Variants in DUSP16 observed in about 807,000 individuals in gnomAD.
DUSP16 encodes dual specificity phosphatase 16.
A neutral mutation model predicts 58.3 loss-of-function variants in DUSP16; 21 were observed. The observed-to-expected ratio is 0.36, with a 90% CI of 0.26 to 0.52. The LOEUF is 0.52. Ranked by LOEUF, DUSP16 falls within the 20% of genes least tolerant of loss-of-function variation. The pLI is 0.94. For synonymous variants in DUSP16, 320 were observed against 323.8 expected (o/e 0.99, Z 0.12); for missense variants, 726 against 819.0 (o/e 0.89, Z 1.39).
In DUSP16 at chr12:12,477,122, G is replaced by C; in HGVS notation, c.1709C>G (p.Ser570Ter). The C allele has an allele frequency of 1.2e-6, 2 of 1,614,262 alleles. No individual in the cohort carries two copies. Among genetic ancestry groups the C allele is most frequent in the Non-Finnish European group, 1.7e-6 (2 of 1,180,052 alleles). ...ACTGGCACTGCCTCCGTAGATGGCTGAGGCAGAGTAGAAGTGTGAGGACTC... is the reference window on the plus strand; with the variant it reads ...ACTGGCACTGCCTCCGTAGATGGCTCAGGCAGAGTAGAAGTGTGAGGACTC... ...ATESSHFYSA[S>*]AIYGGSASYS... The change falls in exon 7 of 7, where the codon TCA becomes TGA. Residue 570 changes from serine (S) to a stop codon, truncating the protein, a stop_gained. Transcript: ENST00000298573. LOFTEE classifies it high-confidence loss of function. This position sits in a 1 kb window ranked among gnomAD's most constrained non-coding sequence, Gnocchi z 4.1.
rs1670488338 is a variant in DUSP16, at chr12:12,519,955, A to T, written c.274T>A (p.Ser92Thr). ...SQKVVVYDQS[S>T]QDVASLSSDC... Reference sequence around the variant, plus strand: ...GAAGAGAGAGAGGCAACATCTTGGGAGCTTTGATCGTAAACTACAACCTTC... The same window carrying T: ...GAAGAGAGAGAGGCAACATCTTGGGTGCTTTGATCGTAAACTACAACCTTC... The change falls in exon 3 of 7, where the codon TCC becomes ACC. Residue 92 changes from serine (S) to threonine (T), a missense_variant. Physicochemically the swap from Ser to Thr is moderately conservative, Grantham distance 58. Transcript: ENST00000298573. The T allele has an allele frequency of 6.2e-7, 1 of 1,614,038 alleles. No homozygotes were observed. The highest frequency in any genetic ancestry group is 1.7e-5 in the Admixed American group (1 of 59,998).
At chr12:12,556,129 T>C (rs1048042363) in intron 1 of DUSP16, among the ~76,000 whole-genome samples, 3 of 152,362 alleles carry the variant, frequency 2.0e-5, no homozygotes, top group African/African-American at 7.2e-5. Context: ...ATTAAAATTG[T>C]TTCCCATAGG....
chr12:12,506,408 A>G (rs1332549025), intron 3 of DUSP16, among the ~76,000 whole-genome samples: 1 of 152,250 alleles, frequency 6.6e-6, no homozygotes, highest in Non-Finnish European at 1.5e-5. Context: ...TACAAGACAT[A>G]ACATCAGTCC....
At chr12:12,559,130 GT>G (rs908760209) in intron 1 of DUSP16, among the ~76,000 whole-genome samples, 26 of 151,986 alleles carry the variant, frequency 1.7e-4, no homozygotes, top group African/African-American at 6.0e-4. Flanking sequence ...ATAACAGATT[GT>G]CTACAACACA....
In DUSP16 at chr12:12,538,357, G is replaced by A. The variant is rs571246052; in HGVS notation, c.-365-16894C>T. Among the ~76,000 whole-genome samples, 3 of 152,306 alleles carry A rather than the reference G, an allele frequency of 2.0e-5. No homozygotes were observed. In the East Asian group the frequency reaches 5.8e-4, roughly 29 times the overall value. On this transcript the variant is annotated intron_variant, in intron 1 of 6. Coordinates refer to ENST00000298573, the MANE Select transcript of DUSP16 (RefSeq NM_030640.3). The stretch of plus-strand genomic sequence containing the variant: ...CATGTCACGTCATTAAAGAAAGTCA[G>A]AGACTACTGAAATTTCATAGCCAAA...
intron 3 of DUSP16, among the ~76,000 whole-genome samples, chr12:12,513,731 T>C (rs892009461): frequency 6.6e-6 from 1 of 152,224 alleles, no homozygotes; most frequent in Non-Finnish European, 1.5e-5. Context: ...GAGAAGGACA[T>C]AGTAGAACAG....
rs1184621023 is a variant in DUSP16, at chr12:12,500,692, A to G, written c.368-10T>C. ...AACTCAGCAAACCCACCTAAGAATAAACATTATAAAATTATAAAAAATTAT... is the reference window on the plus strand; with the variant it reads ...AACTCAGCAAACCCACCTAAGAATAGACATTATAAAATTATAAAAAATTAT... On this transcript the variant is annotated splice_polypyrimidine_tract_variant and intron_variant, in intron 3 of 6. Coordinates refer to ENST00000298573, the MANE Select transcript of DUSP16 (RefSeq NM_030640.3). 2 of 1,540,986 alleles carry G rather than the reference A, an allele frequency of 1.3e-6. No individual in the cohort carries two copies. Among genetic ancestry groups the G allele is most frequent in the Non-Finnish European group, 1.7e-6 (2 of 1,149,988 alleles).
At chr12:12,484,115 T>C (rs1267820435) in intron 5 of DUSP16, among the ~76,000 whole-genome samples, 2 of 151,920 alleles carry the variant, frequency 1.3e-5, no homozygotes, top group Non-Finnish European at 2.9e-5. Flanking sequence ...TCTGCTTGAG[T>C]AAATAAAAAG....
At chr12:12,547,457 C>CAAA (rs202208136) in intron 1 of DUSP16, among the ~76,000 whole-genome samples, 41 of 80,362 alleles carry the variant, frequency 5.1e-4, no homozygotes, top group South Asian at 1.2e-3. Flanking sequence ...CAAAAAAAAG[C>CAAA]AAAAAAAAAA....
chr12:12,484,470 TA>T (rs1419334150), intron 5 of DUSP16, among the ~76,000 whole-genome samples: 3 of 152,156 alleles, frequency 2.0e-5, no homozygotes, highest in East Asian at 3.8e-4. Context: ...TCTTTTCTAC[TA>T]AACTTTGTCT....
Position 12,476,878 on chromosome 12 carries a change from A to C in DUSP16, c.1953T>G (p.Ser651Arg), listed in dbSNP as rs766576635. 2 of 1,612,586 alleles carry C rather than the reference A, an allele frequency of 1.2e-6. No homozygotes were observed. The highest frequency in any genetic ancestry group is 1.7e-6 in the Non-Finnish European group (2 of 1,179,948). The change falls in exon 7 of 7, where the codon AGT becomes AGG. Residue 651 changes from serine (S) to arginine (R), a missense_variant. By Grantham distance (110) the Ser-to-Arg change is moderately radical. Transcript: ENST00000298573. ...RSREELGKVG[S>R]QSSFSGSMEI... ...CCATGCTGCCCGAAAAGCTAGACTG[A>C]CTGCCCACTTTCCCCAGCTCTTCCC...
At position 12,477,317 on chromosome 12, in the gene DUSP16, C is replaced by T. The variant is rs1258427627; in HGVS notation, c.1514G>A (p.Arg505Gln). 13 of 1,614,212 alleles carry T rather than the reference C, an allele frequency of 8.1e-6. No individual in the cohort carries two copies. Among genetic ancestry groups the T allele is most frequent in the Non-Finnish European group, 1.1e-5 (13 of 1,180,036 alleles). ...AQRSLLSPLH[R>Q]SGSVEDNYHT... ...GTAATTGTCCTCCACGCTCCCACTT[C>T]GATGCAGTGGAGATAAAAGGGACCT... Residue 505 changes from arginine (R) to glutamine (Q), a missense_variant, in exon 7 of 7, where the codon CGA becomes CAA. Physicochemically the swap from Arg to Gln is conservative, Grantham distance 43 (BLOSUM62 1). Transcript: ENST00000298573. The surrounding 1 kb of genome is among the most constrained non-coding windows in gnomAD (Gnocchi z 4.1).
At chr12:12,562,059 C>A (rs951089096) in intron 1 of DUSP16, 58 bp downstream of exon 1, 1 of 149,762 alleles carries the variant, frequency 6.7e-6, no homozygotes, top group African/African-American at 2.4e-5. Flanking sequence ...CGGGAGGGCG[C>A]CCCGGGCCCC....
chr12:12,499,132 A>G (rs1943874178), intron 4 of DUSP16, among the ~76,000 whole-genome samples: 1 of 152,230 alleles, frequency 6.6e-6, no homozygotes, highest in Admixed American at 6.5e-5. Context: ...TCTGTAACAC[A>G]ATTACTTGTG....
intron 4 of DUSP16, among the ~76,000 whole-genome samples, chr12:12,496,109 G>C (rs572205593): frequency 2.6e-5 from 4 of 152,218 alleles, no homozygotes; most frequent in Non-Finnish European, 5.9e-5. Flanking sequence ...CAACCATCAT[G>C]CCGTGCTGCT....
In DUSP16 at chr12:12,477,799, A is replaced by G. The variant is rs1349211358; in HGVS notation, c.1032T>C (p.Ser344=). The G allele has an allele frequency of 6.2e-7, 1 of 1,614,042 alleles. No individual in the cohort carries two copies. Among genetic ancestry groups the G allele is most frequent in the Non-Finnish European group, 8.5e-7 (1 of 1,180,008 alleles). The part of the protein sequence containing the change: ...ETPLSPPCAD[S]ATSEAAGQRP... ...TTTGTCCTGCTGCCTCTGAGGTAGC[A>G]GAGTCGGCACAGGGTGGACTGAGGG... The change falls in exon 7 of 7, where the codon TCT becomes TCC. Residue 344 remains serine, a synonymous_variant. Coordinates refer to ENST00000298573, the MANE Select transcript of DUSP16 (RefSeq NM_030640.3). The surrounding 1 kb of genome is among the most constrained non-coding windows in gnomAD (Gnocchi z 4.1).
At chr12:12,503,077 GC>G (rs11287460) in intron 3 of DUSP16, among the ~76,000 whole-genome samples, 152,251 of 152,254 alleles carry the variant, frequency 1, 76,124 homozygotes, top group Non-Finnish European at 1. Flanking sequence ...AGTTACTTAA[GC>G]CCCTCCTACT....
chr12:12,480,455 A>G, intron 5 of DUSP16, 109 bp from the exon 6 acceptor site: 3 of 1,309,614 alleles, frequency 2.3e-6, no homozygotes, highest in South Asian at 2.9e-5. Context: ...CTCTACGCAA[A>G]TCTCATCTGT....
At chr12:12,550,901 A>G (rs1177860022) in intron 1 of DUSP16, among the ~76,000 whole-genome samples, 2 of 152,130 alleles carry the variant, frequency 1.3e-5, no homozygotes, top group East Asian at 3.9e-4. Flanking sequence ...TAAAAAAAAA[A>G]GCCAGTCTCA....
Sources: allele counts gnomAD v4.1 joint callset (sites outside exome capture counted in the v4.1 genomes callset), GRCh38; gene constraint gnomAD v4.1.1; non-coding constraint Gnocchi (gnomAD v3.1); transcripts MANE v1.5; gene names NCBI Gene and HGNC (gene_info 2026-07-23, HGNC 2026-07-21).